MRPL44: variants seen among roughly 807,000 people sequenced by gnomAD.
MRPL44 encodes the protein mitochondrial ribosomal protein L44.
Under a neutral mutation model 25.9 loss-of-function variants are expected in MRPL44, and 21 were observed. That is an observed-to-expected ratio of 0.81 (90% CI 0.58 to 1.17). The LOEUF (loss-of-function observed/expected upper bound fraction) is 1.17, where lower values mean the gene tolerates loss of function less well. Ranked by LOEUF, MRPL44 falls within the 50% of genes most tolerant of loss-of-function variation. MRPL44 has a pLI of 0.00. For synonymous variants in MRPL44, 169 were observed against 151.0 expected (o/e 1.12, Z -0.87); for missense variants, 410 against 398.9 (o/e 1.03, Z -0.24).
chr2:223,952,534 T>C (rs553205011), upstream of MRPL44, among the ~76,000 whole-genome samples: 1 of 152,356 alleles, frequency 6.6e-6, no homozygotes, highest in South Asian at 2.1e-4. Context: ...GGTAAGACCC[T>C]GACTGATACA....
At position 223,959,792 on chromosome 2, in the gene MRPL44, A is replaced by T; in HGVS notation, c.438A>T (p.Pro146=). ...CLTQFLEDEY[P]DMPTEGIKNL... Reference sequence around the variant, plus strand: ...CACAGTTTCTTGAAGACGAGTACCCAGACATGCCCACTGAAGGCATAAAAA... The same window carrying T: ...CACAGTTTCTTGAAGACGAGTACCCTGACATGCCCACTGAAGGCATAAAAA... Residue 146 remains proline (P), a synonymous_variant, in exon 2 of 4, where the codon CCA becomes CCT. Coordinates refer to ENST00000258383, the MANE Select transcript of MRPL44 (RefSeq NM_022915.5). 4 of 1,614,228 alleles carry T rather than the reference A, an allele frequency of 2.5e-6. No individual in the cohort carries two copies. The highest frequency in any genetic ancestry group is 3.4e-6 in the Non-Finnish European group (4 of 1,180,044).
chr2:223,955,419 A>G (rs1689550012), upstream of MRPL44, among the ~76,000 whole-genome samples: 1 of 152,242 alleles, frequency 6.6e-6, no homozygotes, highest in Non-Finnish European at 1.5e-5. Flanking sequence ...TAATCTATGA[A>G]GTAGTGGTGA....
upstream of MRPL44, among the ~76,000 whole-genome samples, chr2:223,955,940 T>C (rs1437640443): frequency 6.6e-6 from 1 of 152,248 alleles, no homozygotes; most frequent in Non-Finnish European, 1.5e-5. Flanking sequence ...AAGAAATCTT[T>C]TGAGGACCTA....
chr2:223,967,092 T>C lies in MRPL44; in HGVS notation c.*58T>C. 1 of 1,467,622 alleles carries C rather than the reference T, an allele frequency of 6.8e-7. No homozygotes were observed. Among genetic ancestry groups the C allele is most frequent in the East Asian group, 2.3e-5 (1 of 42,810 alleles). 90.9% of individuals were successfully genotyped at this position (1,467,622 alleles called of 1,614,324 possible). ...GCGAAAGTGAGATAAATGTCAAAGGTGTTTCAAGCCAGACATTTTCACAAT... is the reference window on the plus strand; with the variant it reads ...GCGAAAGTGAGATAAATGTCAAAGGCGTTTCAAGCCAGACATTTTCACAAT... On this transcript the variant is annotated 3_prime_UTR_variant, in exon 4 of 4. Coordinates refer to ENST00000258383, the MANE Select transcript of MRPL44 (RefSeq NM_022915.5).
intron 3 of MRPL44, among the ~76,000 whole-genome samples, chr2:223,966,475 A>C (rs539524465): frequency 6.6e-6 from 1 of 151,066 alleles, no homozygotes; most frequent in East Asian, 2.0e-4. Flanking sequence ...TATTTTTCCC[A>C]AGTTATATCA....
chr2:223,951,478 G>GTTTTTTTTTGTTT, the MRPL44 span, among the ~76,000 whole-genome samples: 4 of 112,544 alleles, frequency 3.6e-5, no homozygotes, highest in East Asian at 5.0e-4. Flanking sequence ...TTACCTTGGA[G>GTTTTTTTTTGTTT]TTTTTTTTTT....
chr2:223,954,287 A>G (rs1689532805), upstream of MRPL44, among the ~76,000 whole-genome samples: 1 of 152,248 alleles, frequency 6.6e-6, no homozygotes, highest in South Asian at 2.1e-4. Flanking sequence ...CCTAAGTCTC[A>G]TGAATATAGA....
intron 3 of MRPL44, chr2:223,965,733 A>G (rs543798825): frequency 1.3e-5 from 2 of 152,360 alleles, no homozygotes; most frequent in African/African-American, 2.4e-5. Flanking sequence ...TAGAATACTC[A>G]TAGCCAACAT....
chr2:223,960,481 C>G (rs1282655908), intron 2 of MRPL44, among the ~76,000 whole-genome samples: 1 of 152,218 alleles, frequency 6.6e-6, no homozygotes, highest in African/African-American at 2.4e-5. Context: ...TTGACTCCCA[C>G]TGTCCTTTTA....
chr2:223,955,247 C>T (rs1689546976), upstream of MRPL44, among the ~76,000 whole-genome samples: 1 of 152,180 alleles, frequency 6.6e-6, no homozygotes. Flanking sequence ...ACAGATGTAA[C>T]TTTGGTGAAG....
chr2:223,965,630 C>G (rs893214721), intron 3 of MRPL44: 4 of 152,052 alleles, frequency 2.6e-5, no homozygotes, highest in Non-Finnish European at 5.9e-5. Context: ...TCTTTGCTCC[C>G]TTGAAGGAAC....
At chr2:223,964,027 A>G (rs1689706699) in intron 3 of MRPL44, 93 bp downstream of exon 3, 5 of 993,678 alleles carry the variant, frequency 5.0e-6, no homozygotes, top group African/African-American at 1.7e-5. Context: ...CACATTCCAT[A>G]AGGAATGTTA....
chr2:223,951,478 G>GTTTTTTTTTTTTTTGTTTT, the MRPL44 span, among the ~76,000 whole-genome samples: 1 of 112,556 alleles, frequency 8.9e-6, no homozygotes, highest in Admixed American at 9.6e-5. Flanking sequence ...TTACCTTGGA[G>GTTTTTTTTTTTTTTGTTTT]TTTTTTTTTT....
rs1334210495 is a variant in MRPL44 at position 223,957,659 on chromosome 2, C to G, written c.179+8C>G. 2 of 1,601,724 alleles carry G rather than the reference C, an allele frequency of 1.2e-6. No individual in the cohort carries two copies. The highest frequency in any genetic ancestry group is 2.7e-5 in the African/African-American group (2 of 74,846). On this transcript the variant is annotated splice_region_variant and intron_variant, in intron 1 of 3. Transcript: ENST00000258383. ...GCCGCCGCCCGTGCGCCGGTAGGAG[C>G]CACCTCGGGAAGAGGTCTCAGGGTG... is the stretch of plus-strand genomic sequence containing the variant.
chr2:223,954,805 G>C (rs752314263), upstream of MRPL44, among the ~76,000 whole-genome samples: 1 of 152,210 alleles, frequency 6.6e-6, no homozygotes, highest in Non-Finnish European at 1.5e-5. Flanking sequence ...CACAATGTGA[G>C]AGGGGAATGT....
chr2:223,966,841 C>G (rs1689748143), intron 3 of MRPL44, 22 bp from the exon 4 acceptor site: 1 of 1,602,360 alleles, frequency 6.2e-7, no homozygotes, highest in Admixed American at 1.7e-5. Context: ...TAATTTAAGA[C>G]TACTGTTTGT....
chr2:223,957,726 T>C, intron 1 of MRPL44, 75 bp downstream of exon 1: 1 of 1,448,840 alleles, frequency 6.9e-7, no homozygotes, highest in East Asian at 2.4e-5. Flanking sequence ...GCGTCGTGTC[T>C]GCGGCTGATG....
intron 1 of MRPL44, among the ~76,000 whole-genome samples, chr2:223,958,743 A>G (rs541786387): frequency 6.6e-6 from 1 of 152,348 alleles, no homozygotes; most frequent in African/African-American, 2.4e-5. Flanking sequence ...TACCTCATAC[A>G]TATTGTAGGG....
In MRPL44 at chr2:223,959,684, A is replaced by G; in HGVS notation, c.330A>G (p.Ile110Met). ...AGGCCAAACGCCAACAACTTGGGAT[A>G]GAGAAAGAAGCTGTTCTTCTGAATC... ...SEEAKRQQLG[I>M]EKEAVLLNLK... The change falls in exon 2 of 4, where the codon ATA becomes ATG. Residue 110 changes from isoleucine (I) to methionine (M), a missense_variant. Transcript: ENST00000258383. The G allele has an allele frequency of 1.2e-6, 2 of 1,614,266 alleles. No individual in the cohort carries two copies. The highest frequency in any genetic ancestry group is 3.3e-5 in the Admixed American group (2 of 60,034).
Sources: gnomAD v4.1 joint callset for allele counts (sites outside exome capture counted in the v4.1 genomes callset) on GRCh38, gnomAD v4.1.1 for gene constraint, MANE v1.5 for transcripts, NCBI Gene and HGNC (gene_info 2026-07-23, HGNC 2026-07-21) for gene names.